The following VPS13B variants were observed in gnomAD, a reference collection of about 807,000 sequenced individuals.
The protein encoded by VPS13B is intermembrane lipid transfer protein VPS13B.
VPS13B carries 285 observed loss-of-function variants against 426.4 expected under a neutral mutation model. That is an observed-to-expected ratio of 0.67 (90% confidence interval 0.61 to 0.74). VPS13B has a LOEUF of 0.74. Among genes scored for constraint, VPS13B ranks in the 30% least tolerant of loss-of-function variants. The probability of loss-of-function intolerance (pLI) is 0.00; values close to 1 mark genes in which losing one functional copy is unlikely to be tolerated. For synonymous variants in VPS13B, 1,676 were observed against 1,676.4 expected, an observed-to-expected ratio of 1.00 and a Z score of 0.01; for missense variants, 4,537 against 4,782.6, an observed-to-expected ratio of 0.95 and a Z score of 1.51.
At chr8:99,086,257 C>T (rs1563530778) in intron 3 of VPS13B, among the ~76,000 whole-genome samples, 1 of 152,184 alleles carries the variant, frequency 6.6e-6, no homozygotes, top group Non-Finnish European at 1.5e-5. Context: ...GAATCGGCTA[C>T]TGAGGCTTGT....
chr8:99,097,308 T>C (rs569582266), intron 4 of VPS13B, among the ~76,000 whole-genome samples: 2 of 152,342 alleles, frequency 1.3e-5, no homozygotes, highest in South Asian at 4.1e-4. Flanking sequence ...GAAAACGTGA[T>C]CATTAGAGAG....
chr8:99,428,348 G>A (rs971940798), intron 21 of VPS13B, among the ~76,000 whole-genome samples: 9 of 152,074 alleles, frequency 5.9e-5, no homozygotes, highest in Non-Finnish European at 1.2e-4. Flanking sequence ...GAGTGAACAG[G>A]CAACCTATAG....
chr8:99,243,151 A>C (rs753386408), intron 17 of VPS13B, among the ~76,000 whole-genome samples: 29 of 152,244 alleles, frequency 1.9e-4, no homozygotes, highest in Admixed American at 6.5e-4. Flanking sequence ...CCTGAGGGAT[A>C]AGATGTTTCT....
chr8:99,431,560 G>T lies in VPS13B; in HGVS notation c.3106G>T (p.Val1036Phe). The change falls in exon 22 of 62, where the codon GTT becomes TTT. Residue 1036 changes from valine (V) to phenylalanine (F), a missense_variant. Val to Phe is a conservative substitution (Grantham distance 50). Transcript: ENST00000357162. ...AGAATCCCGCCCATTGTCAGTTCCT[G>T]TTAAAGCCATGTTGAATATATCTGA... is the stretch of plus-strand genomic sequence containing the variant. ...VTESRPLSVPVKAMLNISESC... is the reference protein window; with the variant it reads ...VTESRPLSVPFKAMLNISESC... 6.2e-7 allele frequency: 1 copy of T among 1,613,440 alleles called. No homozygotes were observed. The highest frequency in any genetic ancestry group is 8.5e-7 in the Non-Finnish European group (1 of 1,179,748).
intron 21 of VPS13B, among the ~76,000 whole-genome samples, chr8:99,403,887 C>G (rs934207890): frequency 1.3e-5 from 2 of 152,100 alleles, no homozygotes; most frequent in African/African-American, 4.8e-5. Flanking sequence ...GTATTAGTCA[C>G]ATGAACTAGG....
chr8:99,370,252 T>A (rs1813103362), intron 19 of VPS13B, among the ~76,000 whole-genome samples: 1 of 152,204 alleles, frequency 6.6e-6, no homozygotes, highest in Admixed American at 6.5e-5. Flanking sequence ...TTATTATAAA[T>A]GTTAATAACA....
chr8:99,195,675 T>C (rs969294099), intron 17 of VPS13B, among the ~76,000 whole-genome samples: 5 of 152,236 alleles, frequency 3.3e-5, no homozygotes, highest in Non-Finnish European at 7.3e-5. Flanking sequence ...AAGTTTCTTC[T>C]AGTAGATTTA....
At position 99,602,659 on chromosome 8, in the gene VPS13B, T is replaced by C. The variant is rs1212324214; in HGVS notation, c.5220+25026T>C. ...CCATTGTCTCAGCCCAAAATCTCCT[T>C]AAGCTGATAAGCAACTTCAGCAAAG... On this transcript the variant is annotated intron_variant, in intron 33 of 61. Transcript: ENST00000357162. Among the ~76,000 whole-genome samples, 4 of 152,214 alleles carry C rather than the reference T, an allele frequency of 2.6e-5. No homozygotes were observed. The East Asian group carries it at 7.7e-4, about 29-fold the overall frequency.
intron 17 of VPS13B, among the ~76,000 whole-genome samples, chr8:99,247,159 T>C (rs901799219): frequency 2.0e-5 from 3 of 152,130 alleles, no homozygotes; most frequent in Admixed American, 1.3e-4. Context: ...GTGTGGAGCT[T>C]TTGCTTTGTG....
intron 33 of VPS13B, among the ~76,000 whole-genome samples, chr8:99,639,677 TG>T (rs1053398087): frequency 6.7e-6 from 1 of 148,634 alleles, no homozygotes; most frequent in African/African-American, 2.4e-5. Flanking sequence ...TATAAAAATA[TG>T]TTTTTTTTTA....
chr8:99,227,984 C>A (rs1200961429), intron 17 of VPS13B, among the ~76,000 whole-genome samples: 1 of 152,076 alleles, frequency 6.6e-6, no homozygotes, highest in Admixed American at 6.6e-5. Context: ...GGTGTGGAAC[C>A]AAGCCATTTT....
intron 24 of VPS13B, among the ~76,000 whole-genome samples, chr8:99,473,532 A>G (rs1285597724): frequency 1.3e-5 from 2 of 152,140 alleles, no homozygotes; most frequent in Admixed American, 6.5e-5. Flanking sequence ...GATAGAGATC[A>G]TATAAGGGAA....
At chr8:99,780,163 G>C (rs915421608) in intron 42 of VPS13B, among the ~76,000 whole-genome samples, 1 of 152,080 alleles carries the variant, frequency 6.6e-6, no homozygotes, top group Admixed American at 6.6e-5. Context: ...CGTAAAATAA[G>C]AGCTAGTGTG....
intron 55 of VPS13B, among the ~76,000 whole-genome samples, chr8:99,850,351 A>G (rs113141689): frequency 2.2e-5 from 3 of 137,112 alleles, no homozygotes; most frequent in African/African-American, 3.2e-5. Context: ...TTATACATAC[A>G]TACATAAGTA....
At chr8:99,566,232 C>T (rs908646335) in intron 31 of VPS13B, among the ~76,000 whole-genome samples, 1 of 152,062 alleles carries the variant, frequency 6.6e-6, no homozygotes, top group Non-Finnish European at 1.5e-5. Context: ...TAGTTACTGA[C>T]TGATATAGTA....
chr8:99,330,219 A>G (rs965455718), intron 19 of VPS13B, among the ~76,000 whole-genome samples: 1 of 151,932 alleles, frequency 6.6e-6, no homozygotes, highest in African/African-American at 2.4e-5. Context: ...GTTTTCTGTT[A>G]AAGTACCCCT....
chr8:99,153,433 T>G (rs1811182598), intron 14 of VPS13B, among the ~76,000 whole-genome samples: 1 of 152,194 alleles, frequency 6.6e-6, no homozygotes, highest in Non-Finnish European at 1.5e-5. Flanking sequence ...GCATTTTATA[T>G]TATTCGATTT....
At chr8:99,645,998 G>A (rs80224769) in intron 34 of VPS13B, among the ~76,000 whole-genome samples, 4,359 of 152,236 alleles carry the variant, frequency 0.029, 85 homozygotes, top group Non-Finnish European at 0.041. Context: ...CATGGGGAGG[G>A]AAGCAGAGAG....
At chr8:99,437,162 A>C (rs1817424090) in intron 22 of VPS13B, among the ~76,000 whole-genome samples, 1 of 152,180 alleles carries the variant, frequency 6.6e-6, no homozygotes, top group African/African-American at 2.4e-5. Context: ...TTTTAGTGGA[A>C]GTTTGTGCAG....
Sources: allele counts gnomAD v4.1 joint callset (sites outside exome capture counted in the v4.1 genomes callset), GRCh38; gene constraint gnomAD v4.1.1; transcripts MANE v1.5; gene names NCBI Gene and HGNC (gene_info 2026-07-23, HGNC 2026-07-21).